ALK: variants seen among roughly 807,000 people sequenced by gnomAD.
ALK encodes the protein ALK receptor tyrosine kinase, also known as ALK tyrosine kinase receptor.
ALK carries 74 observed loss-of-function variants against 163.1 expected under a neutral mutation model. The ratio of observed to expected loss-of-function variants is 0.45; its 90% CI spans 0.38 to 0.55. ALK has a LOEUF of 0.55. Ranked by LOEUF, ALK falls within the 20% of genes least tolerant of loss-of-function variation. The pLI is 0.00. For synonymous variants in ALK, 960 were observed against 843.2 expected, an observed-to-expected ratio of 1.14 and a Z score of -2.40; for missense variants, 2,063 against 2,105.3, an observed-to-expected ratio of 0.98 and a Z score of 0.39.
intron 4 of ALK, among the ~76,000 whole-genome samples, chr2:29,501,805 C>T (rs1002876092): frequency 2.6e-5 from 4 of 152,196 alleles, no homozygotes; most frequent in Non-Finnish European, 5.9e-5. Context: ...GAACATTTCT[C>T]GTTTTGCAAA....
chr2:29,562,136 G>C (rs550684753), intron 3 of ALK, among the ~76,000 whole-genome samples: 13 of 152,186 alleles, frequency 8.5e-5, no homozygotes, highest in African/African-American at 2.9e-4. Context: ...GCCAGTTTCT[G>C]CTGGACAACC....
At chr2:29,245,966 C>T (rs7599784) in intron 12 of ALK, among the ~76,000 whole-genome samples, 18,246 of 152,274 alleles carry the variant, frequency 0.12, 1,595 homozygotes, top group African/African-American at 0.24. Flanking sequence ...GTGTCATTGA[C>T]AGAGACCATC....
intron 9 of ALK, among the ~76,000 whole-genome samples, chr2:29,276,756 C>A (rs1049322910): frequency 5.5e-4 from 84 of 152,228 alleles, no homozygotes; most frequent in African/African-American, 2.0e-3. Context: ...TTGAATGATT[C>A]CATTGATAGA....
chr2:29,524,368 G>A (rs1346083290), intron 4 of ALK, among the ~76,000 whole-genome samples: 1 of 152,244 alleles, frequency 6.6e-6, no homozygotes, highest in Non-Finnish European at 1.5e-5. Flanking sequence ...ACAGCTCTTA[G>A]TTTCCTCGGA....
chr2:29,714,427 G>A (rs140038505), intron 2 of ALK, among the ~76,000 whole-genome samples: 109 of 152,220 alleles, frequency 7.2e-4, no homozygotes, highest in Middle Eastern at 6.8e-3. Context: ...TTACAGACTG[G>A]GGGTGAATAA....
chr2:29,787,500 T>C (rs1193636284), intron 1 of ALK, among the ~76,000 whole-genome samples: 2 of 152,208 alleles, frequency 1.3e-5, no homozygotes, highest in East Asian at 3.8e-4. Context: ...AGATAAACAA[T>C]GCACAGGCTT....
Position 29,920,594 on chromosome 2 carries a change from C to T in ALK, c.66G>A (p.Gly22=), listed in dbSNP as rs778418435. Reference sequence around the variant, plus strand: ...AGCCCGCGCGCTGGCCGGTCCCCATCCCGGAGCCCACAGCTGCCGTGGAAA... The same window carrying T: ...AGCCCGCGCGCTGGCCGGTCCCCATTCCGGAGCCCACAGCTGCCGTGGAAA... The part of the protein sequence containing the change: ...LLLSTAAVGS[G]MGTGQRAGSP... The change falls in exon 1 of 29, where the codon GGG becomes GGA. Residue 22 remains glycine (G), a synonymous_variant. Coordinates refer to ENST00000389048, the MANE Select transcript of ALK (RefSeq NM_004304.5). 2 of 1,569,336 alleles carry T rather than the reference C, an allele frequency of 1.3e-6. No individual in the cohort carries two copies. Among genetic ancestry groups the T allele is most frequent in the Non-Finnish European group, 1.7e-6 (2 of 1,163,732 alleles).
intron 1 of ALK, among the ~76,000 whole-genome samples, chr2:29,777,695 C>G (rs1242595819): frequency 6.6e-6 from 1 of 152,200 alleles, no homozygotes; most frequent in African/African-American, 2.4e-5. Context: ...ACCTGAGAAT[C>G]TTGTTCAAAT....
intron 20 of ALK, 30 bp downstream of exon 20, chr2:29,223,312 C>T (rs200409896): frequency 7.4e-6 from 12 of 1,613,044 alleles, no homozygotes; most frequent in Non-Finnish European, 9.3e-6. Context: ...CTGCACCCCT[C>T]TCCTCCCAGG....
At chr2:29,550,418 G>T (rs1306193236) in intron 3 of ALK, among the ~76,000 whole-genome samples, 1 of 152,012 alleles carries the variant, frequency 6.6e-6, no homozygotes, top group Non-Finnish European at 1.5e-5. Context: ...TTTGAGAGAT[G>T]GTATATTGCT....
intron 3 of ALK, among the ~76,000 whole-genome samples, chr2:29,640,540 C>T (rs962635543): frequency 6.6e-6 from 1 of 152,178 alleles, no homozygotes; most frequent in Non-Finnish European, 1.5e-5. Context: ...ACATTCTGTA[C>T]ATGCCTATAC....
At chr2:29,638,948 G>A (rs527693362) in intron 3 of ALK, among the ~76,000 whole-genome samples, 1 of 152,278 alleles carries the variant, frequency 6.6e-6, no homozygotes, top group Non-Finnish European at 1.5e-5. Context: ...TGGACCACAT[G>A]GTTGCTCCTG....
intron 1 of ALK, among the ~76,000 whole-genome samples, chr2:29,731,387 G>A (rs1365073098): frequency 6.6e-6 from 1 of 152,178 alleles, no homozygotes; most frequent in African/African-American, 2.4e-5. Context: ...GGTGGCAGAA[G>A]CCTTCCAAGG....
At chr2:29,210,788 C>T (rs1048530430) in intron 24 of ALK, among the ~76,000 whole-genome samples, 2 of 152,156 alleles carry the variant, frequency 1.3e-5, no homozygotes, top group Non-Finnish European at 2.9e-5. Flanking sequence ...GCTGAAGAAT[C>T]GCTTCTTCCA....
intron 1 of ALK, among the ~76,000 whole-genome samples, chr2:29,835,301 A>G (rs1006802769): frequency 1.3e-5 from 2 of 152,202 alleles, no homozygotes; most frequent in Non-Finnish European, 2.9e-5. Flanking sequence ...TTAAGACCTA[A>G]TAACATAAGG....
intron 3 of ALK, among the ~76,000 whole-genome samples, chr2:29,583,768 G>A (rs1422106589): frequency 6.6e-6 from 1 of 152,196 alleles, no homozygotes; most frequent in African/African-American, 2.4e-5. Flanking sequence ...AACCTGGGAT[G>A]TTAACAGGGT....
At position 29,372,965 on chromosome 2, in the gene ALK, G is replaced by C. The variant is rs874825; in HGVS notation, c.1282+10767C>G. On this transcript the variant is annotated intron_variant, in intron 5 of 28. Transcript: ENST00000389048. ...GATCACATCTGGAATTAATTTATCT[G>C]GGTCCACCCTGTTTGCTTCACAGCC... Among the ~76,000 whole-genome samples, 1,259 of 152,204 alleles carry C rather than the reference G, an allele frequency of 8.3e-3. 16 individuals are homozygous for C. Among genetic ancestry groups the C allele is most frequent in the African/African-American group, 0.028 (1,180 of 41,518 alleles).
At chr2:29,570,491 T>G (rs1219138859) in intron 3 of ALK, among the ~76,000 whole-genome samples, 1 of 152,136 alleles carries the variant, frequency 6.6e-6, no homozygotes, top group Non-Finnish European at 1.5e-5. Context: ...GAACAGAAAG[T>G]GTTCAGAGAT....
chr2:29,847,304 C>T (rs797003803), intron 1 of ALK, among the ~76,000 whole-genome samples: 19 of 152,200 alleles, frequency 1.2e-4, no homozygotes, highest in African/African-American at 4.1e-4. Context: ...GACGTGTTGA[C>T]CCAGGACCTC....
Sources: allele counts gnomAD v4.1 joint callset (sites outside exome capture counted in the v4.1 genomes callset), GRCh38; gene constraint gnomAD v4.1.1; transcripts MANE v1.5; gene names NCBI Gene and HGNC (gene_info 2026-07-23, HGNC 2026-07-21).